The following BRCA1 variants were observed in gnomAD, a reference collection of about 807,000 sequenced individuals.
BRCA1 encodes BRCA1 DNA repair associated, also known as breast cancer type 1 susceptibility protein.
BRCA1 carries 140 observed loss-of-function variants against 173.7 expected under a neutral mutation model. That is an observed-to-expected ratio of 0.81 (90% confidence interval 0.70 to 0.93). BRCA1 has a LOEUF of 0.93. BRCA1 is among the 40% of genes least tolerant of loss of function. The pLI is 0.00. For missense variants in BRCA1, 1,983 were observed against 2,172.5 expected, an observed-to-expected ratio of 0.91 and a Z score of 1.73; for synonymous variants, 662 against 756.0, an observed-to-expected ratio of 0.88 and a Z score of 2.04.
intron 12 of BRCA1, chr17:43,079,754 C>A (rs1183841452): frequency 2.4e-5 from 31 of 1,314,892 alleles, no homozygotes; most frequent in Non-Finnish European, 3.3e-5. Context: ...GCAGCTGGAA[C>A]CTATTCCCTA....
intron 1 of BRCA1, among the ~76,000 whole-genome samples, chr17:43,158,791 T>TAG (rs1469947533): frequency 8.5e-5 from 13 of 152,172 alleles, no homozygotes; most frequent in African/African-American, 3.1e-4. Flanking sequence ...TCTGTGGGAC[T>TAG]AGAGATAAAG....
At chr17:43,068,035 T>G (rs1348067615) in intron 15 of BRCA1, among the ~76,000 whole-genome samples, 1 of 151,634 alleles carries the variant, frequency 6.6e-6, no homozygotes, top group East Asian at 1.9e-4. Context: ...CTCAGCACTT[T>G]GGGAGGCTGA....
chr17:43,069,820 T>C (rs1198048710), intron 15 of BRCA1, among the ~76,000 whole-genome samples: 1 of 152,212 alleles, frequency 6.6e-6, no homozygotes, highest in Non-Finnish European at 1.5e-5. Flanking sequence ...AATAAAGATA[T>C]TTCAGAATGA....
At chr17:43,135,302 G>T (rs1328719837) in intron 1 of BRCA1, among the ~76,000 whole-genome samples, 1 of 152,226 alleles carries the variant, frequency 6.6e-6, no homozygotes, top group Non-Finnish European at 1.5e-5. Context: ...GCAGCGGCCG[G>T]CCCAGCGTTC....
At position 43,044,696 on chromosome 17, in the gene BRCA1, G is replaced by C. The variant is rs2152224838; in HGVS notation, c.*982C>G. 2.0e-6 allele frequency: 1 copy of C among 505,774 alleles called. No individual in the cohort carries two copies. Among genetic ancestry groups the C allele is most frequent in the Non-Finnish European group, 3.9e-6 (1 of 258,580 alleles). The allele number at this position is 505,774 out of a possible 1,614,324, so 31.3% of individuals were successfully genotyped here. The stretch of plus-strand genomic sequence containing the variant: ...ATTACTAATGAGGAATTAGAAGACT[G>C]TCTTTGGAAACCGGTTCTTGAAAAT... On this transcript the variant is annotated 3_prime_UTR_variant, in exon 23 of 23. Transcript: ENST00000357654.
chr17:43,120,961 G>T (rs1191042238), intron 2 of BRCA1, among the ~76,000 whole-genome samples: 1 of 151,846 alleles, frequency 6.6e-6, no homozygotes, highest in African/African-American at 2.4e-5. Flanking sequence ...CTACTCAGGA[G>T]GCTGAGGCAG....
rs767544239 is a variant in BRCA1 at position 43,092,264 on chromosome 17, C to T, written c.3267G>A (p.Leu1089=). ...GACTTTGTTTATAGACCTCAGGTTG[C>T]AAAACCCCTAATCTAAGCATAGCAT... ...KLNAMLRLGV[L]QPEVYKQSLP... is the part of the protein sequence containing the mutation. Residue 1089 remains leucine, a synonymous_variant, in exon 10 of 23, where the codon TTG becomes TTA. Coordinates refer to ENST00000357654, the MANE Select transcript of BRCA1 (RefSeq NM_007294.4). The T allele has an allele frequency of 1.2e-6, 2 of 1,613,744 alleles. No individual in the cohort carries two copies.
At chr17:43,063,210 C>T in intron 18 of BRCA1, 123 bp downstream of exon 18, 1 of 830,700 alleles carries the variant, frequency 1.2e-6, no homozygotes, top group Non-Finnish European at 2.0e-6. Context: ...TGATGATCCT[C>T]ATTATCATGG....
At chr17:43,138,506 CA>C (rs1471307015) in intron 1 of BRCA1, 2 of 633,560 alleles carry the variant, frequency 3.2e-6, no homozygotes, top group African/African-American at 3.7e-5. Flanking sequence ...TCTTCTTTTG[CA>C]AAGCCTCGGA....
At chr17:43,096,195 G>A (rs1211896616) in intron 8 of BRCA1, among the ~76,000 whole-genome samples, 4 of 151,774 alleles carry the variant, frequency 2.6e-5, no homozygotes, top group Non-Finnish European at 5.9e-5. Flanking sequence ...TGGCCAACAT[G>A]GTGAAACCCC....
chr17:43,096,265 T>C (rs2154516806), intron 8 of BRCA1, among the ~76,000 whole-genome samples: 1 of 149,598 alleles, frequency 6.7e-6, no homozygotes, highest in South Asian at 2.1e-4. Flanking sequence ...TAGTCCCAGC[T>C]ACTAGAGAGG....
chr17:43,075,301 C>T (rs2052660923), intron 13 of BRCA1, among the ~76,000 whole-genome samples: 2 of 152,120 alleles, frequency 1.3e-5, no homozygotes, highest in African/African-American at 2.4e-5. Context: ...ATCCCTATTG[C>T]CTGCCTTTTC....
intron 11 of BRCA1, among the ~76,000 whole-genome samples, chr17:43,090,709 G>A (rs1363315943): frequency 6.6e-6 from 1 of 152,204 alleles, no homozygotes; most frequent in Non-Finnish European, 1.5e-5. Context: ...ATGCTACAAT[G>A]AGCTAGGCAG....
At chr17:43,101,158 T>C (rs2154542922) in intron 6 of BRCA1, among the ~76,000 whole-genome samples, 1 of 152,224 alleles carries the variant, frequency 6.6e-6, no homozygotes. Flanking sequence ...GCTCTATATC[T>C]TTTGAAAAAT....
chr17:43,149,737 T>TA (rs1490603148), intron 1 of BRCA1, among the ~76,000 whole-genome samples: 1 of 152,156 alleles, frequency 6.6e-6, no homozygotes, highest in East Asian at 1.9e-4. Context: ...CACCAAAACT[T>TA]ACAAACCTCA....
intron 2 of BRCA1, among the ~76,000 whole-genome samples, chr17:43,121,701 A>G (rs1391698616): frequency 6.6e-6 from 1 of 151,298 alleles, no homozygotes; most frequent in Non-Finnish European, 1.5e-5. Context: ...AAAAAAAAAA[A>G]AAAAAAAGAA....
At chr17:43,125,158 C>T (rs909283005) in intron 1 of BRCA1, 113 bp downstream of exon 1, 5 of 454,452 alleles carry the variant, frequency 1.1e-5, no homozygotes, top group African/African-American at 8.1e-5. Flanking sequence ...TCAGGTTCCG[C>T]CCCTACCCCC....
At chr17:43,127,747 G>C (rs370314279), upstream of BRCA1, among the ~76,000 whole-genome samples, 1 of 152,220 alleles carries the variant, frequency 6.6e-6, no homozygotes, top group Admixed American at 6.5e-5. Flanking sequence ...TGCCCCGCTG[G>C]GTGCCAGTGG....
intron 22 of BRCA1, 84 bp from the exon 23 acceptor site, chr17:43,045,886 T>C (rs573786749): frequency 1.3e-6 from 2 of 1,577,822 alleles, no homozygotes; most frequent in Non-Finnish European, 1.7e-6. Context: ...AGGGTCCTGG[T>C]TGTATGAGTT....
Sources: allele counts gnomAD v4.1 joint callset (sites outside exome capture counted in the v4.1 genomes callset), GRCh38; gene constraint gnomAD v4.1.1; transcripts MANE v1.5; gene names NCBI Gene and HGNC (gene_info 2026-07-23, HGNC 2026-07-21).